Variants in FAT2 observed in about 807,000 individuals in gnomAD.
FAT2 encodes protocadherin Fat 2.
A neutral mutation model predicts 295.3 loss-of-function variants in FAT2; 150 were observed. That is an observed-to-expected ratio of 0.51 (90% CI 0.44 to 0.58). The LOEUF (loss-of-function observed/expected upper bound fraction) is 0.58. Among genes scored for constraint, FAT2 ranks in the 20% least tolerant of loss-of-function variants. The probability of loss-of-function intolerance (pLI) is 0.00; values close to 1 mark genes in which losing one functional copy is unlikely to be tolerated. For missense variants in FAT2, 4,868 were observed against 5,442.7 expected, an observed-to-expected ratio of 0.89 and a Z score of 3.32; for synonymous variants, 2,026 against 2,150.3, an observed-to-expected ratio of 0.94 and a Z score of 1.60.
chr5:151,547,361 T>C (rs1756742163), intron 9 of FAT2, among the ~76,000 whole-genome samples: 1 of 152,190 alleles, frequency 6.6e-6, no homozygotes, highest in Admixed American at 6.5e-5. Context: ...GCTTGAATAA[T>C]TTAAAGAGGA....
In FAT2 at chr5:151,512,313, G is replaced by T; in HGVS notation, c.11757C>A (p.Asn3919Lys). The T allele has an allele frequency of 6.2e-7, 1 of 1,614,184 alleles. No individual in the cohort carries two copies. Among genetic ancestry groups the T allele is most frequent in the African/African-American group, 1.3e-5 (1 of 75,040 alleles). Reference sequence around the variant, plus strand: ...GGGCCAGCAGATCTAGAGCCTCTTCGTTGACCACGACAGCATCCAGGCAGC... The same window carrying T: ...GGGCCAGCAGATCTAGAGCCTCTTCTTTGACCACGACAGCATCCAGGCAGC... The part of the protein sequence containing the change: ...FEGCLDAVVV[N>K]EEALDLLAPG... The change falls in exon 21 of 24, where the codon AAC becomes AAA. Residue 3919 changes from asparagine (N) to lysine (K), a missense_variant. Asn to Lys is a moderately conservative substitution (Grantham distance 94, BLOSUM62 0). Around this residue, in one of 5 missense-constraint regions of FAT2, gnomAD observed 1,046 missense variants for 1,210.1 expected, o/e 0.86. Coordinates refer to ENST00000261800, the MANE Select transcript of FAT2 (RefSeq NM_001447.3). This position sits in a 1 kb window ranked among gnomAD's most constrained non-coding sequence, Gnocchi z 4.1.
chr5:151,550,400 G>A (rs1000424725), intron 8 of FAT2, among the ~76,000 whole-genome samples, 190 bp downstream of exon 8: 5 of 152,148 alleles, frequency 3.3e-5, no homozygotes, highest in Admixed American at 6.5e-5. Context: ...CTTGGCAGCC[G>A]TCCCATCTCT....
chr5:151,567,657 G>A lies in FAT2; in HGVS notation c.1275C>T (p.Asp425=), dbSNP rs1453334639. 5.0e-6 allele frequency: 8 copies of A among 1,614,184 alleles called. No individual in the cohort carries two copies. Among genetic ancestry groups the A allele is most frequent in the Non-Finnish European group, 6.8e-6 (8 of 1,180,010 alleles). ...ITTTKLMDFH[D]RAHYQLHIRT... ...TGATGTGTAGCTGATAGTGGGCTCT[G>A]TCGTGGAAGTCCATGAGCTTTGTGG... Residue 425 remains aspartate, a synonymous_variant, in exon 2 of 24, where the codon GAC becomes GAT. Coordinates refer to ENST00000261800, the MANE Select transcript of FAT2 (RefSeq NM_001447.3).
chr5:151,593,789 G>A (rs1759498800), upstream of FAT2, among the ~76,000 whole-genome samples: 1 of 152,096 alleles, frequency 6.6e-6, no homozygotes, highest in Admixed American at 6.5e-5. Context: ...GGATCACGAG[G>A]TCAGGAGGTC....
At chr5:151,509,599 C>T in intron 22 of FAT2, 1 of 179,950 alleles carries the variant, frequency 5.6e-6, no homozygotes, top group Non-Finnish European at 1.2e-5. Flanking sequence ...TTATAAGGAG[C>T]ATATATCTAA....
chr5:151,546,017 A>G lies in FAT2; in HGVS notation c.5110T>C (p.Ser1704Pro), dbSNP rs750392319. The part of the protein sequence containing the change: ...LREGNKDGVF[S>P]MNSYSGLIST... The stretch of plus-strand genomic sequence containing the variant: ...ATAAGGCCAGAATATGAGTTCATAG[A>G]GAAGACTCCATCCTTATTTCCCTCT... The change falls in exon 10 of 24, where the codon TCT (serine) becomes CCT (proline). Residue 1704 changes from serine (S) to proline (P), a missense_variant. Transcript: ENST00000261800. 6.2e-7 allele frequency: 1 copy of G among 1,614,212 alleles called. No individual in the cohort carries two copies. Among genetic ancestry groups the G allele is most frequent in the Non-Finnish European group, 8.5e-7 (1 of 1,180,042 alleles).
chr5:151,588,189 G>A (rs879706391), intron 1 of FAT2, among the ~76,000 whole-genome samples: 1 of 152,128 alleles, frequency 6.6e-6, no homozygotes, highest in Admixed American at 6.6e-5. Context: ...GATTGATGAT[G>A]TTTTTGTCCC....
At chr5:151,523,506 G>GT (rs1248185204) in intron 18 of FAT2, among the ~76,000 whole-genome samples, 1 of 152,182 alleles carries the variant, frequency 6.6e-6, no homozygotes, top group Non-Finnish European at 1.5e-5. Flanking sequence ...ATACCTATCT[G>GT]TGTCTATAGC....
At chr5:151,560,608 T>G (rs1254780166) in intron 3 of FAT2, among the ~76,000 whole-genome samples, 1 of 152,230 alleles carries the variant, frequency 6.6e-6, no homozygotes, top group Non-Finnish European at 1.5e-5. Context: ...CTCCTTCTTC[T>G]GAGTGGCCAG....
At chr5:151,583,569 C>T (rs1375938862) in intron 1 of FAT2, among the ~76,000 whole-genome samples, 4 of 152,114 alleles carry the variant, frequency 2.6e-5, no homozygotes, top group African/African-American at 4.8e-5. Flanking sequence ...GAAAAGGGTA[C>T]AAAGAGGGTT....
At position 151,546,167 on chromosome 5, in the gene FAT2, C is replaced by T. The variant is rs150831986; in HGVS notation, c.4960G>A (p.Asp1654Asn). The T allele has an allele frequency of 7.8e-5, 126 of 1,614,140 alleles. No individual in the cohort carries two copies. In the East Asian group the frequency reaches 1.6e-3, roughly 21 times the overall value. Reference sequence around the variant, plus strand: ...TTTGAAAAGATGGGGGCACTCCTATCTGAGGGATAGACATGAATGATCACT... The same window carrying T: ...TTTGAAAAGATGGGGGCACTCCTATTTGAGGGATAGACATGAATGATCACT... ...ATVIIHVYPS[D>N]RSAPIFSKSE... The change falls in exon 10 of 24, where the codon GAT becomes AAT. Residue 1654 changes from aspartate (D) to asparagine (N), a missense_variant. Coordinates refer to ENST00000261800, the MANE Select transcript of FAT2 (RefSeq NM_001447.3).
intron 21 of FAT2, 135 bp from the exon 22 acceptor site, chr5:151,510,309 T>C: frequency 9.8e-7 from 1 of 1,024,792 alleles, no homozygotes; most frequent in Non-Finnish European, 1.4e-6. Flanking sequence ...CTGTGCCCAA[T>C]ACCGTGCTGG....
Position 151,527,984 on chromosome 5 carries a change from C to T in FAT2, c.10164+12G>A. On this transcript the variant is annotated intron_variant, in intron 16 of 23. Coordinates refer to ENST00000261800, the MANE Select transcript of FAT2 (RefSeq NM_001447.3). Reference sequence around the variant, plus strand: ...TAATGAGCTCAGGGTGCGCCCCTCCCACATGACTCACCTGTTCCCGGTCCA... The same window carrying T: ...TAATGAGCTCAGGGTGCGCCCCTCCTACATGACTCACCTGTTCCCGGTCCA... The T allele has an allele frequency of 6.2e-7, 1 of 1,613,484 alleles. No homozygotes were observed. The highest frequency in any genetic ancestry group is 8.5e-7 in the Non-Finnish European group (1 of 1,179,820).
intron 7 of FAT2, 127 bp downstream of exon 7, chr5:151,551,340 A>C: frequency 1.0e-6 from 1 of 986,642 alleles, no homozygotes; most frequent in Non-Finnish European, 1.5e-6. Flanking sequence ...TTAGACAAGA[A>C]CTTTGATTCT....
Position 151,542,986 on chromosome 5 carries a change from T to C in FAT2, c.8141A>G (p.Lys2714Arg). Residue 2714 changes from lysine (K) to arginine (R), a missense_variant, in exon 10 of 24, where the codon AAA becomes AGA. By Grantham distance (26) the Lys-to-Arg change is conservative. Around this residue, in one of 5 missense-constraint regions of FAT2, gnomAD observed 3,297 missense variants for 3,669.4 expected, o/e 0.90. Coordinates refer to ENST00000261800, the MANE Select transcript of FAT2 (RefSeq NM_001447.3). ...LPEGSEIGIV[K>R]AVAAQDPVIY... ...GACTGGATCTTGAGCTGCCACTGCT[T>C]TAACAATCCCAATTTCAGACCCCTC... 1 of 1,614,168 alleles carries C rather than the reference T, an allele frequency of 6.2e-7. No individual in the cohort carries two copies. Among genetic ancestry groups the C allele is most frequent in the Non-Finnish European group, 8.5e-7 (1 of 1,180,032 alleles).
intron 1 of FAT2, among the ~76,000 whole-genome samples, chr5:151,584,500 G>A (rs995793376): frequency 2.6e-5 from 4 of 152,098 alleles, no homozygotes; most frequent in Non-Finnish European, 4.4e-5. Context: ...AGGTCATACC[G>A]CTAGCAAGTG....
chr5:151,587,328 T>C (rs2127664625), intron 1 of FAT2, among the ~76,000 whole-genome samples: 1 of 152,182 alleles, frequency 6.6e-6, no homozygotes, highest in Admixed American at 6.5e-5. Flanking sequence ...GCCTGACACA[T>C]ACAAAAAAGA....
intron 1 of FAT2, among the ~76,000 whole-genome samples, chr5:151,590,952 G>A (rs1048319603): frequency 3.3e-5 from 5 of 152,124 alleles, no homozygotes; most frequent in African/African-American, 4.8e-5. Flanking sequence ...CCCCAGCCGC[G>A]GACTGGCTAC....
intron 19 of FAT2, among the ~76,000 whole-genome samples, chr5:151,520,395 A>G (rs1346490428): frequency 6.6e-6 from 1 of 152,248 alleles, no homozygotes; most frequent in East Asian, 1.9e-4. Context: ...GAAGCTGTAC[A>G]ATTTCAGGCA....
Sources: allele counts gnomAD v4.1 joint callset (sites outside exome capture counted in the v4.1 genomes callset), GRCh38; gene constraint gnomAD v4.1.1; regional missense constraint gnomAD v4.1.1; non-coding constraint Gnocchi (gnomAD v3.1); transcripts MANE v1.5; gene names NCBI Gene and HGNC (gene_info 2026-07-23, HGNC 2026-07-21).